The following RYR2 variants were observed in gnomAD, a reference collection of about 807,000 sequenced individuals.
RYR2 encodes the protein ryanodine receptor 2, also known as cardiac muscle ryanodine receptor-calcium release channel.
In RYR2, 227 loss-of-function variants were observed where a neutral mutation model predicts 601.1. The ratio of observed to expected loss-of-function variants is 0.38; its 90% CI spans 0.34 to 0.42. The LOEUF is 0.42. RYR2 is among the 10% of genes least tolerant of loss of function. RYR2 has a pLI of 1.00. For missense variants in RYR2, 4,646 were observed against 6,156.5 expected, an observed-to-expected ratio of 0.75 and a Z score of 8.21; for synonymous variants, 2,223 against 2,175.1, an observed-to-expected ratio of 1.02 and a Z score of -0.61.
intron 2 of RYR2, among the ~76,000 whole-genome samples, chr1:237,295,905 A>G (rs1023628355): frequency 2.0e-5 from 3 of 152,160 alleles, no homozygotes; most frequent in Non-Finnish European, 4.4e-5. Flanking sequence ...GCACCATCTC[A>G]TGGATATTTC....
intron 62 of RYR2, among the ~76,000 whole-genome samples, chr1:237,681,343 G>A (rs1685865051): frequency 6.6e-6 from 1 of 152,168 alleles, no homozygotes; most frequent in East Asian, 1.9e-4. Context: ...GTGCTGAAAG[G>A]CAGTACGGTC....
intron 87 of RYR2, among the ~76,000 whole-genome samples, chr1:237,775,826 A>C (rs1221813184): frequency 6.6e-6 from 1 of 152,308 alleles, no homozygotes; most frequent in Non-Finnish European, 1.5e-5. Flanking sequence ...GTCATGAGAA[A>C]AAGAAAGCAA....
chr1:237,260,101 G>C lies in RYR2; in HGVS notation c.49-10396G>C, dbSNP rs1688373043. Reference sequence around the variant, plus strand: ...TCCAAGATTTACAAAAAATGAATAAGTGGAAATTGGCTAACAGATGAAAGT... The same window carrying C: ...TCCAAGATTTACAAAAAATGAATAACTGGAAATTGGCTAACAGATGAAAGT... On this transcript the variant is annotated intron_variant, in intron 1 of 104. Transcript: ENST00000366574. Among the ~76,000 whole-genome samples, 2 of 152,148 alleles carry C rather than the reference G, an allele frequency of 1.3e-5. 1 individual carries two copies. The highest frequency in any genetic ancestry group is 4.1e-4 in the South Asian group (2 of 4,828).
chr1:237,245,389 A>C (rs539299894), intron 1 of RYR2, among the ~76,000 whole-genome samples: 1 of 152,320 alleles, frequency 6.6e-6, no homozygotes, highest in South Asian at 2.1e-4. Flanking sequence ...CTAAAGGGAA[A>C]CATGCTCCTG....
chr1:237,343,386 C>T (rs1417102227), intron 3 of RYR2, among the ~76,000 whole-genome samples: 1 of 152,156 alleles, frequency 6.6e-6, no homozygotes, highest in Admixed American at 6.5e-5. Context: ...CATTTGTTCA[C>T]TCTATTGATA....
intron 25 of RYR2, among the ~76,000 whole-genome samples, chr1:237,534,864 C>T (rs1668444051): frequency 6.6e-6 from 1 of 151,638 alleles, no homozygotes; most frequent in Non-Finnish European, 1.5e-5. Context: ...ATATGAATTG[C>T]CTATATTTAT....
At chr1:237,528,282 C>G (rs1030257014) in intron 24 of RYR2, among the ~76,000 whole-genome samples, 1 of 152,062 alleles carries the variant, frequency 6.6e-6, no homozygotes, top group Admixed American at 6.6e-5. Flanking sequence ...TATAATAGTT[C>G]TATTTTCTAT....
rs577923266 is a variant in RYR2, at chr1:237,434,883, C to T, written c.1006-6436C>T. 3.9e-5 allele frequency among the ~76,000 whole-genome samples: 6 copies of T among 152,218 alleles called. No individual in the cohort carries two copies. The South Asian group carries it at 1.2e-3, about 32-fold the overall frequency. On this transcript the variant is annotated intron_variant, in intron 12 of 104. Transcript: ENST00000366574. ...CTCCACCTCCCAGGTTCAAGCAATT[C>T]TCCCACCTCAGCCTCCCAAGTAGCT...
intron 1 of RYR2, among the ~76,000 whole-genome samples, chr1:237,154,041 G>A (rs988798068): frequency 6.6e-6 from 1 of 152,168 alleles, no homozygotes; most frequent in African/African-American, 2.4e-5. Flanking sequence ...AGGGAGATGA[G>A]TAGGAATAAA....
chr1:237,384,494 C>T (rs140988639), intron 8 of RYR2, among the ~76,000 whole-genome samples: 109 of 152,352 alleles, frequency 7.2e-4, no homozygotes, highest in African/African-American at 2.5e-3. Context: ...TTCCCCTTAT[C>T]ACACATTCCC....
chr1:237,736,566 C>T (rs1040543242), intron 79 of RYR2, among the ~76,000 whole-genome samples: 2 of 152,004 alleles, frequency 1.3e-5, no homozygotes, highest in African/African-American at 4.8e-5. Flanking sequence ...GTTATTTGCT[C>T]GCTCTCTCTC....
intron 68 of RYR2, among the ~76,000 whole-genome samples, 159 bp downstream of exon 68, chr1:237,707,428 A>G (rs573562781): frequency 2.2e-4 from 34 of 152,334 alleles, no homozygotes; most frequent in Non-Finnish European, 4.1e-4. Context: ...GTAGATAAAA[A>G]CAGGCATTGG....
At chr1:237,557,512 A>C (rs1572864690) in intron 27 of RYR2, among the ~76,000 whole-genome samples, 1 of 152,112 alleles carries the variant, frequency 6.6e-6, no homozygotes, top group East Asian at 1.9e-4. Context: ...TGTAGAGTGG[A>C]GTTTGAAAAG....
chr1:237,120,998 C>T (rs1670703449), intron 1 of RYR2: 1 of 151,614 alleles, frequency 6.6e-6, no homozygotes, highest in Admixed American at 6.6e-5. Flanking sequence ...CTTCCTTCTT[C>T]TGCTGGAACC....
intron 48 of RYR2, 90 bp from the exon 49 acceptor site, chr1:237,648,354 T>TA (rs1481583221): frequency 1.7e-6 from 2 of 1,149,810 alleles, no homozygotes; most frequent in African/African-American, 3.2e-5. Context: ...AAACTGTGTT[T>TA]AAAATGTAAG....
chr1:237,128,148 C>T (rs1437070255), intron 1 of RYR2, among the ~76,000 whole-genome samples: 1 of 152,284 alleles, frequency 6.6e-6, no homozygotes, highest in African/African-American at 2.4e-5. Flanking sequence ...CTCGGGAGGC[C>T]GAGGCTGGCG....
In RYR2 at chr1:237,788,043, T is replaced by C; in HGVS notation, c.13384T>C (p.Leu4462=). 1 of 1,609,560 alleles carries C rather than the reference T, an allele frequency of 6.2e-7. No individual in the cohort carries two copies. The highest frequency in any genetic ancestry group is 8.5e-7 in the Non-Finnish European group (1 of 1,177,640). Residue 4462 remains leucine, a synonymous_variant, in exon 92 of 105, where the codon TTG becomes CTG. Transcript: ENST00000366574. The part of the protein sequence containing the change: ...KAKEDKGKQK[L]RQLHTHRYGE... ...CAAGGAAGACAAGGGCAAACAAAAG[T>C]TGAGGCAGCTTCACACACACAGATA...
chr1:237,374,700 G>T lies in RYR2; in HGVS notation c.385-17G>T, dbSNP rs1336886917. On this transcript the variant is annotated splice_polypyrimidine_tract_variant and intron_variant, in intron 6 of 104. Transcript: ENST00000366574. ...AACAAAACCTCTACTTACAACTACT[G>T]ATTTTGTACTTTGTAGTATCTGTGC... 6.2e-7 allele frequency: 1 copy of T among 1,601,666 alleles called. No homozygotes were observed. Among genetic ancestry groups the T allele is most frequent in the South Asian group, 1.1e-5 (1 of 89,562 alleles).
chr1:237,710,374 G>A (rs890171754), intron 70 of RYR2, among the ~76,000 whole-genome samples: 1 of 152,088 alleles, frequency 6.6e-6, no homozygotes, highest in South Asian at 2.1e-4. Context: ...TAATCAGACT[G>A]TTGTACAAAT....
Sources: allele counts gnomAD v4.1 joint callset (sites outside exome capture counted in the v4.1 genomes callset), GRCh38; gene constraint gnomAD v4.1.1; transcripts MANE v1.5; gene names NCBI Gene and HGNC (gene_info 2026-07-23, HGNC 2026-07-21).